DDX60: variants seen among roughly 807,000 people sequenced by gnomAD.
The protein encoded by DDX60 is probable ATP-dependent RNA helicase DDX60.
Under a neutral mutation model 212.8 loss-of-function variants are expected in DDX60, and 165 were observed. The ratio of observed to expected loss-of-function variants is 0.78; its 90% CI spans 0.68 to 0.88. The LOEUF is 0.88. DDX60 is among the 40% of genes least tolerant of loss of function. The pLI is 0.00. For synonymous variants in DDX60, 703 were observed against 685.3 expected, an observed-to-expected ratio of 1.03 and a Z score of -0.40; for missense variants, 1,905 against 2,003.9, an observed-to-expected ratio of 0.95 and a Z score of 0.94.
In DDX60 at chr4:168,307,993, A is replaced by T; in HGVS notation, c.264+13T>A. On this transcript the variant is annotated intron_variant, in intron 4 of 37. Coordinates refer to ENST00000393743, the MANE Select transcript of DDX60 (RefSeq NM_017631.6). ...TTCTCATATTATAAAAAAGAACTCAACTATCATGTTACCTTGAAGAAAACT... is the reference window on the plus strand; with the variant it reads ...TTCTCATATTATAAAAAAGAACTCATCTATCATGTTACCTTGAAGAAAACT... 1 of 1,535,868 alleles carries T rather than the reference A, an allele frequency of 6.5e-7. No individual in the cohort carries two copies. The highest frequency in any genetic ancestry group is 8.7e-7 in the Non-Finnish European group (1 of 1,150,552).
At chr4:168,286,899 A>G (rs977876747) in intron 10 of DDX60, 149 bp downstream of exon 10, 2 of 561,878 alleles carry the variant, frequency 3.6e-6, no homozygotes, top group Admixed American at 3.8e-5. Flanking sequence ...TACCACTCCA[A>G]GGATATAAGA....
chr4:168,255,286 T>A (rs189240303), intron 26 of DDX60, among the ~76,000 whole-genome samples: 2 of 152,326 alleles, frequency 1.3e-5, no homozygotes, highest in East Asian at 3.9e-4. Flanking sequence ...AAGTTCTTTT[T>A]ATGATCACTC....
chr4:168,320,797 G>T (rs1737587915), upstream of DDX60, among the ~76,000 whole-genome samples: 1 of 152,164 alleles, frequency 6.6e-6, no homozygotes, highest in South Asian at 2.1e-4. Context: ...TGTGTACTAT[G>T]ATTTCTGTCA....
intron 13 of DDX60, among the ~76,000 whole-genome samples, chr4:168,282,608 G>A (rs1163538225): frequency 6.6e-6 from 1 of 152,018 alleles, no homozygotes; most frequent in Non-Finnish European, 1.5e-5. Context: ...CTTTCATCTT[G>A]AGAGAAACTT....
At chr4:168,315,909 T>C (rs1415410376) in intron 1 of DDX60, among the ~76,000 whole-genome samples, 1 of 152,230 alleles carries the variant, frequency 6.6e-6, no homozygotes, top group African/African-American at 2.4e-5. Context: ...GTCTTTACAG[T>C]AGAATGATTT....
At chr4:168,264,647 T>G (rs1054307727) in intron 22 of DDX60, among the ~76,000 whole-genome samples, 1 of 152,218 alleles carries the variant, frequency 6.6e-6, no homozygotes, top group African/African-American at 2.4e-5. Context: ...TGACATAGAT[T>G]TCTTATGAGA....
chr4:168,243,821 C>T (rs993940021), intron 30 of DDX60, among the ~76,000 whole-genome samples: 1 of 126,446 alleles, frequency 7.9e-6, no homozygotes, highest in Non-Finnish European at 1.6e-5. Context: ...TTCACTGCAA[C>T]ACTATTCACA....
At chr4:168,269,779 T>C (rs1479487051) in intron 19 of DDX60, among the ~76,000 whole-genome samples, 1 of 152,200 alleles carries the variant, frequency 6.6e-6, no homozygotes, top group Non-Finnish European at 1.5e-5. Context: ...TCTCCACCTT[T>C]ACTATGGTCC....
intron 1 of DDX60, among the ~76,000 whole-genome samples, chr4:168,314,493 G>A (rs1737279207): frequency 6.6e-6 from 1 of 152,072 alleles, no homozygotes; most frequent in Non-Finnish European, 1.5e-5. Flanking sequence ...AATAGTAACA[G>A]GCTGCTAGAG....
At chr4:168,311,458 C>T (rs929902068) in intron 1 of DDX60, 93 bp from the exon 2 acceptor site, 1 of 531,338 alleles carries the variant, frequency 1.9e-6, no homozygotes, top group Non-Finnish European at 3.4e-6. Flanking sequence ...ACAAGGAATA[C>T]AAGAATGAAC....
chr4:168,262,101 A>T lies in DDX60; in HGVS notation c.3172T>A (p.Phe1058Ile), dbSNP rs1734647551. 1 of 1,592,080 alleles carries T rather than the reference A, an allele frequency of 6.3e-7. No homozygotes were observed. Among genetic ancestry groups the T allele is most frequent in the East Asian group, 2.3e-5 (1 of 43,604 alleles). ...QELCPENFIHFNNKLVIKKMD... is the reference protein window; with the variant it reads ...QELCPENFIHINNKLVIKKMD... ...TTTTTAATGACTAATTTATTGTTAAAATGAATGAAGTTTTCTGGGCACAGT... is the reference window on the plus strand; with the variant it reads ...TTTTTAATGACTAATTTATTGTTAATATGAATGAAGTTTTCTGGGCACAGT... The change falls in exon 24 of 38, where the codon TTT becomes ATT. Residue 1058 changes from phenylalanine (F) to isoleucine (I), a missense_variant. Phe to Ile is a conservative substitution (Grantham distance 21). Coordinates refer to ENST00000393743, the MANE Select transcript of DDX60 (RefSeq NM_017631.6).
At chr4:168,315,879 A>G (rs1737349002) in intron 1 of DDX60, among the ~76,000 whole-genome samples, 1 of 152,196 alleles carries the variant, frequency 6.6e-6, no homozygotes, top group African/African-American at 2.4e-5. Flanking sequence ...TAGTGCTGCA[A>G]TCAACATACA....
intron 6 of DDX60, among the ~76,000 whole-genome samples, chr4:168,294,997 A>G (rs1736277913): frequency 6.6e-6 from 1 of 152,200 alleles, no homozygotes; most frequent in Non-Finnish European, 1.5e-5. Flanking sequence ...TTATACCAAT[A>G]ATTAGGCAAA....
At position 168,251,011 on chromosome 4, in the gene DDX60, A is replaced by G. The variant is rs751301859; in HGVS notation, c.3801T>C (p.Ala1267=). ...CTAATTGTTTTTCTTTGAAACTCAT[A>G]GCACTGTGATGATATCCAATACCCC... is the stretch of plus-strand genomic sequence containing the variant. ...AERGIGYHHS[A]MSFKEKQLVE... Residue 1267 remains alanine, a synonymous_variant, in exon 28 of 38, where the codon GCT becomes GCC. Transcript: ENST00000393743. 1.2e-6 allele frequency: 2 copies of G among 1,610,624 alleles called. No homozygotes were observed. The highest frequency in any genetic ancestry group is 1.7e-5 in the Admixed American group (1 of 59,740).
intron 24 of DDX60, 145 bp from the exon 25 acceptor site, chr4:168,261,134 G>A: frequency 3.3e-6 from 3 of 900,926 alleles, no homozygotes; most frequent in East Asian, 2.9e-5. Context: ...TATAAAACGA[G>A]GCAAAGAACC....
chr4:168,313,611 A>G (rs1158740730), intron 1 of DDX60, among the ~76,000 whole-genome samples: 5 of 152,220 alleles, frequency 3.3e-5, no homozygotes, highest in Admixed American at 6.5e-5. Context: ...GCAAGAGAGA[A>G]TTAACCCCAA....
At chr4:168,316,654 G>A (rs1424915284) in intron 1 of DDX60, among the ~76,000 whole-genome samples, 2 of 152,084 alleles carry the variant, frequency 1.3e-5, no homozygotes, top group Non-Finnish European at 2.9e-5. Flanking sequence ...AATAAACACA[G>A]AAGGAATGAT....
chr4:168,278,504 A>G (rs1441405122), intron 14 of DDX60, among the ~76,000 whole-genome samples: 1 of 152,194 alleles, frequency 6.6e-6, no homozygotes, highest in Non-Finnish European at 1.5e-5. Flanking sequence ...CAAATTCAGG[A>G]ATAGGTTTGG....
In DDX60 at chr4:168,221,873, T is replaced by C. The variant is rs375132905; in HGVS notation, c.4833A>G (p.Leu1611=). The C allele has an allele frequency of 1.2e-6, 2 of 1,610,234 alleles. No homozygotes were observed. The highest frequency in any genetic ancestry group is 1.7e-5 in the Admixed American group (1 of 59,732). ...GAGAGCGATTGACACCGATTGTGCC[T>C]AGAGTAACCTGAAAAAATACGATTA... ...LRLETPNHVT[L]GTIGVNRSQA... The change falls in exon 36 of 38, where the codon CTA becomes CTG. Residue 1611 remains leucine (L), a synonymous_variant. Transcript: ENST00000393743.
Sources: allele counts gnomAD v4.1 joint callset (sites outside exome capture counted in the v4.1 genomes callset), GRCh38; gene constraint gnomAD v4.1.1; transcripts MANE v1.5; gene names NCBI Gene and HGNC (gene_info 2026-07-23, HGNC 2026-07-21).